BBS12: variants seen among roughly 807,000 people sequenced by gnomAD.
BBS12 encodes chaperonin-containing T-complex member BBS12.
Under a neutral mutation model 5.6 loss-of-function variants are expected in BBS12, and 5 were observed. The ratio of observed to expected loss-of-function variants is 0.89; its 90% CI spans 0.46 to 1.86. The LOEUF is 1.86. BBS12 is among the 40% of genes most tolerant of loss of function. The pLI is 0.01. For missense variants in BBS12, 748 were observed against 830.4 expected (o/e 0.90, Z 1.22); for synonymous variants, 308 against 306.8 (o/e 1.00, Z -0.04).
chr4:122,730,217 T>G (rs552889632), upstream of BBS12: 2 of 152,364 alleles, frequency 1.3e-5, no homozygotes, highest in Middle Eastern at 3.4e-3. Context: ...ATATAAGTTT[T>G]GTTTGCCAAA....
intron 1 of BBS12, among the ~76,000 whole-genome samples, chr4:122,735,444 A>G (rs1800771542): frequency 6.6e-6 from 1 of 152,116 alleles, no homozygotes; most frequent in Non-Finnish European, 1.5e-5. Context: ...GCAGTGGAGT[A>G]ATCTGTTTAG....
At chr4:122,703,204 G>T in the BBS12 span, among the ~76,000 whole-genome samples, 1 of 152,082 alleles carries the variant, frequency 6.6e-6, no homozygotes, top group Non-Finnish European at 1.5e-5. Context: ...TTTCCTAAGT[G>T]GGCAGAATTG....
the BBS12 span, among the ~76,000 whole-genome samples, chr4:122,716,152 T>C: frequency 6.6e-6 from 1 of 152,162 alleles, no homozygotes; most frequent in Non-Finnish European, 1.5e-5. Context: ...AGATTCTGTA[T>C]TTTTTCATAT....
intron 1 of BBS12, among the ~76,000 whole-genome samples, chr4:122,739,197 A>C (rs946308751): frequency 6.6e-6 from 1 of 152,230 alleles, no homozygotes; most frequent in African/African-American, 2.4e-5. Flanking sequence ...AGACTCCAGA[A>C]CTGTGAAAGA....
At chr4:122,722,742 A>C in the BBS12 span, among the ~76,000 whole-genome samples, 3 of 152,296 alleles carry the variant, frequency 2.0e-5, no homozygotes, top group African/African-American at 7.2e-5. Flanking sequence ...TACTTTCAGC[A>C]ATCTATATAA....
At chr4:122,724,476 T>A in the BBS12 span, among the ~76,000 whole-genome samples, 1 of 152,364 alleles carries the variant, frequency 6.6e-6, no homozygotes, top group East Asian at 1.9e-4. Flanking sequence ...TTGACTAAAA[T>A]TCTCCAACCC....
chr4:122,732,425 C>T (rs1431161647), upstream of BBS12: 3 of 152,390 alleles, frequency 2.0e-5, no homozygotes, highest in Admixed American at 6.5e-5. Context: ...TCACCAGGTC[C>T]CCAGCCGGCA....
chr4:122,725,668 G>A, the BBS12 span, among the ~76,000 whole-genome samples: 5,801 of 152,188 alleles, frequency 0.038, 152 homozygotes, highest in Middle Eastern at 0.058. Context: ...GGAGGCTGAG[G>A]TGGGAGGATC....
the BBS12 span, among the ~76,000 whole-genome samples, chr4:122,717,499 A>C: frequency 2.6e-5 from 4 of 152,164 alleles, no homozygotes; most frequent in Admixed American, 2.0e-4. Flanking sequence ...ACAACCACAA[A>C]AAAAATCACC....
chr4:122,716,597 G>GTATA, the BBS12 span, among the ~76,000 whole-genome samples: 5 of 117,958 alleles, frequency 4.2e-5, no homozygotes, highest in South Asian at 2.4e-4. Flanking sequence ...ACATATGTAT[G>GTATA]TATACACACA....
chr4:122,703,105 G>T, the BBS12 span, among the ~76,000 whole-genome samples: 1 of 152,210 alleles, frequency 6.6e-6, no homozygotes, highest in African/African-American at 2.4e-5. Context: ...TAGGGAGCCA[G>T]AGGCATATCG....
the BBS12 span, among the ~76,000 whole-genome samples, chr4:122,716,527 A>G: frequency 6.7e-6 from 1 of 149,722 alleles, no homozygotes; most frequent in Non-Finnish European, 1.5e-5. Flanking sequence ...TTCAAATTAT[A>G]TTTATATATA....
chr4:122,711,911 C>T, the BBS12 span, among the ~76,000 whole-genome samples: 1 of 152,114 alleles, frequency 6.6e-6, no homozygotes, highest in Admixed American at 6.5e-5. Flanking sequence ...GGGGAATCTG[C>T]TATCAATGTT....
chr4:122,704,531 C>T, the BBS12 span, among the ~76,000 whole-genome samples: 3 of 152,112 alleles, frequency 2.0e-5, no homozygotes, highest in Admixed American at 6.5e-5. Context: ...TCCTCATATT[C>T]GCCTCCCATA....
chr4:122,711,629 T>G, the BBS12 span, among the ~76,000 whole-genome samples: 1 of 152,214 alleles, frequency 6.6e-6, no homozygotes, highest in Non-Finnish European at 1.5e-5. Context: ...TACAAAAGAT[T>G]AAAATCCTGA....
the BBS12 span, among the ~76,000 whole-genome samples, chr4:122,707,149 T>C: frequency 6.7e-6 from 1 of 149,362 alleles, no homozygotes; most frequent in Non-Finnish European, 1.5e-5. Context: ...GCAATCCTCA[T>C]GTGGCTTATC....
rs369235456 is a variant in BBS12, at chr4:122,743,082, C to T, written c.1190C>T (p.Ala397Val). Residue 397 changes from alanine (A) to valine (V), a missense_variant, in exon 2 of 2, where the codon GCA (alanine) becomes GTA (valine). Transcript: ENST00000314218. ...GAAGACAGCTCAGAAGAACTGTGGG[C>T]AAATCACGTGTTACAGGTGTTAATC... ...LQEDSSEELW[A>V]NHVLQVLIQF... is the part of the protein sequence containing the mutation. The T allele has an allele frequency of 3.7e-5, 59 of 1,614,106 alleles. No homozygotes were observed. The highest frequency in any genetic ancestry group is 4.9e-5 in the Non-Finnish European group (58 of 1,180,042).
chr4:122,715,224 GCTGT>G, the BBS12 span, among the ~76,000 whole-genome samples: 1 of 150,418 alleles, frequency 6.6e-6, no homozygotes, highest in Non-Finnish European at 1.5e-5. Flanking sequence ...AAATTAGATT[GCTGT>G]CTTTTTCATT....
At chr4:122,710,239 C>G in the BBS12 span, among the ~76,000 whole-genome samples, 11 of 151,872 alleles carry the variant, frequency 7.2e-5, no homozygotes, top group African/African-American at 2.7e-4. Context: ...GTAGGTTATC[C>G]AAAAAAATCT....
Sources: allele counts gnomAD v4.1 joint callset (sites outside exome capture counted in the v4.1 genomes callset), GRCh38; gene constraint gnomAD v4.1.1; transcripts MANE v1.5; gene names NCBI Gene and HGNC (gene_info 2026-07-23, HGNC 2026-07-21).